The following GLRA3 variants were observed in gnomAD, a reference collection of about 807,000 sequenced individuals.
GLRA3 encodes the protein glycine receptor subunit alpha-3.
Under a neutral mutation model 60.4 loss-of-function variants are expected in GLRA3, and 44 were observed. The ratio of observed to expected loss-of-function variants is 0.73; its 90% CI spans 0.57 to 0.94. The LOEUF is 0.94. GLRA3 is among the 40% of genes least tolerant of loss of function. The pLI is 0.00. For synonymous variants in GLRA3, 223 were observed against 192.9 expected (o/e 1.16, Z -1.29); for missense variants, 508 against 564.6 (o/e 0.90, Z 1.02).
intron 1 of GLRA3, among the ~76,000 whole-genome samples, chr4:174,808,636 C>T (rs1208266250): frequency 1.3e-5 from 2 of 152,078 alleles, no homozygotes; most frequent in Non-Finnish European, 2.9e-5. Flanking sequence ...GAAGGCGTTG[C>T]TATTGCAGGA....
chr4:174,664,619 A>T (rs1288457374), intron 7 of GLRA3, among the ~76,000 whole-genome samples: 1 of 152,158 alleles, frequency 6.6e-6, no homozygotes, highest in African/African-American at 2.4e-5. Flanking sequence ...CATCACACTG[A>T]TTGAAGCCAC....
At chr4:174,736,572 G>A (rs1465098421) in intron 3 of GLRA3, among the ~76,000 whole-genome samples, 1 of 152,000 alleles carries the variant, frequency 6.6e-6, no homozygotes, top group South Asian at 2.1e-4. Flanking sequence ...CACACTATAC[G>A]TGACCTTTTG....
chr4:174,818,888 T>C (rs1038684119), intron 1 of GLRA3, among the ~76,000 whole-genome samples: 9 of 152,286 alleles, frequency 5.9e-5, no homozygotes, highest in Middle Eastern at 3.4e-3. Flanking sequence ...ATGTGGAAAA[T>C]AGTTAATGCA....
intron 6 of GLRA3, among the ~76,000 whole-genome samples, chr4:174,681,173 G>GT (rs1288744529): frequency 1.3e-5 from 2 of 152,178 alleles, no homozygotes; most frequent in Non-Finnish European, 2.9e-5. Context: ...ATTCATAAAT[G>GT]TAAGTTCTTT....
chr4:174,816,195 A>C (rs1210112017), intron 1 of GLRA3, among the ~76,000 whole-genome samples: 2 of 152,186 alleles, frequency 1.3e-5, no homozygotes, highest in African/African-American at 2.4e-5. Context: ...CCTCATCTGC[A>C]TGCCCCAGTG....
At chr4:174,809,474 T>C (rs551169419) in intron 1 of GLRA3, among the ~76,000 whole-genome samples, 6 of 152,356 alleles carry the variant, frequency 3.9e-5, no homozygotes, top group African/African-American at 1.4e-4. Flanking sequence ...GACTCACACC[T>C]GTAATCTCAG....
chr4:174,789,072 A>G (rs1739229922), intron 1 of GLRA3, 129 bp from the exon 2 acceptor site: 2 of 541,414 alleles, frequency 3.7e-6, no homozygotes, highest in Non-Finnish European at 6.4e-6. Flanking sequence ...TAGATATCAT[A>G]CAGTGAAGAT....
At chr4:174,668,725 C>T (rs1002177384) in intron 7 of GLRA3, among the ~76,000 whole-genome samples, 2 of 151,770 alleles carry the variant, frequency 1.3e-5, no homozygotes, top group African/African-American at 2.4e-5. Flanking sequence ...CACAAAATCT[C>T]ATCTACACCT....
chr4:174,757,287 ACAC>A (rs1579559742), intron 3 of GLRA3, among the ~76,000 whole-genome samples: 2 of 152,086 alleles, frequency 1.3e-5, no homozygotes, highest in East Asian at 3.9e-4. Flanking sequence ...ACACACACAC[ACAC>A]ACACACACTT....
intron 5 of GLRA3, among the ~76,000 whole-genome samples, chr4:174,699,961 C>T (rs1364675692): frequency 2.0e-5 from 3 of 151,770 alleles, no homozygotes; most frequent in Non-Finnish European, 4.4e-5. Context: ...AATCCACACT[C>T]CCAGGATATG....
intron 1 of GLRA3, among the ~76,000 whole-genome samples, chr4:174,822,175 C>T (rs1386851678): frequency 1.3e-5 from 2 of 152,236 alleles, no homozygotes; most frequent in African/African-American, 4.8e-5. Flanking sequence ...TTTTGCTTCC[C>T]CAGTACTTAA....
intron 1 of GLRA3, among the ~76,000 whole-genome samples, chr4:174,818,718 T>G (rs959677080): frequency 2.6e-5 from 4 of 152,336 alleles, no homozygotes; most frequent in African/African-American, 9.6e-5. Flanking sequence ...TATAATCCTC[T>G]GCTGCTTCTA....
At chr4:174,671,896 C>A (rs1561045543) in intron 7 of GLRA3, among the ~76,000 whole-genome samples, 1 of 152,094 alleles carries the variant, frequency 6.6e-6, no homozygotes, top group Non-Finnish European at 1.5e-5. Context: ...AGTGATCCAC[C>A]CGCTTCTGCC....
At chr4:174,703,839 A>C (rs1468606598) in intron 5 of GLRA3, among the ~76,000 whole-genome samples, 1 of 152,228 alleles carries the variant, frequency 6.6e-6, no homozygotes, top group Non-Finnish European at 1.5e-5. Context: ...GTAGCAGCCA[A>C]TGCACTGCAT....
intron 1 of GLRA3, among the ~76,000 whole-genome samples, chr4:174,806,933 T>C (rs1740075489): frequency 6.6e-6 from 1 of 152,034 alleles, no homozygotes; most frequent in East Asian, 1.9e-4. Context: ...ATAAAGTCTC[T>C]GTAACTAAGG....
chr4:174,755,886 A>G lies in GLRA3; in HGVS notation c.267+11077T>C, dbSNP rs1200320087. ...TATCAGAACGAATAAAAATACACCCATATATAAACTAATTTAAAAAATGAG... is the reference window on the plus strand; with the variant it reads ...TATCAGAACGAATAAAAATACACCCGTATATAAACTAATTTAAAAAATGAG... On this transcript the variant is annotated intron_variant, in intron 3 of 9. Coordinates refer to ENST00000274093, the MANE Select transcript of GLRA3 (RefSeq NM_006529.4). Among the ~76,000 whole-genome samples the G allele has an allele frequency of 2.6e-5, 4 of 152,088 alleles. No individual in the cohort carries two copies. The East Asian group carries it at 7.7e-4, about 29-fold the overall frequency.
In GLRA3 at chr4:174,637,282, A is replaced by G. The variant is rs1291351710; in HGVS notation, c.*6504T>C. 2.0e-5 allele frequency: 3 copies of G among 152,174 alleles called. No homozygotes were observed. The highest frequency in any genetic ancestry group is 4.4e-5 in the Non-Finnish European group (3 of 68,046). 9.4% of individuals were successfully genotyped at this position (152,174 alleles called of 1,614,324 possible). ...AATGAAGTCACTGTATATCATATAA[A>G]GATGGTACATGGAAAATATATGGCA... On this transcript the variant is annotated 3_prime_UTR_variant, in exon 10 of 10. Transcript: ENST00000274093.
intron 9 of GLRA3, among the ~76,000 whole-genome samples, chr4:174,649,333 T>C (rs1031663955): frequency 6.6e-6 from 1 of 152,040 alleles, no homozygotes; most frequent in South Asian, 2.1e-4. Context: ...CACTAAAAAC[T>C]GTAGGTAGGA....
At chr4:174,817,193 TC>T (rs1560817365) in intron 1 of GLRA3, among the ~76,000 whole-genome samples, 2 of 152,150 alleles carry the variant, frequency 1.3e-5, no homozygotes, top group Non-Finnish European at 2.9e-5. Flanking sequence ...AACTGCAAAA[TC>T]TTTAACATCT....
Sources: allele counts gnomAD v4.1 joint callset (sites outside exome capture counted in the v4.1 genomes callset), GRCh38; gene constraint gnomAD v4.1.1; transcripts MANE v1.5; gene names NCBI Gene and HGNC (gene_info 2026-07-23, HGNC 2026-07-21).